The following TMEM169 variants were observed in gnomAD, a reference collection of about 807,000 sequenced individuals.
TMEM169 encodes transmembrane protein 169.
TMEM169 carries 18 observed loss-of-function variants against 27.3 expected under a neutral mutation model. The observed-to-expected ratio is 0.66, with a 90% CI of 0.46 to 0.98. The LOEUF is 0.98. Among genes scored for constraint, TMEM169 ranks in the 50% least tolerant of loss-of-function variants. The probability of loss-of-function intolerance (pLI) is 0.00; values close to 1 mark genes in which losing one functional copy is unlikely to be tolerated. For synonymous variants in TMEM169, 136 were observed against 142.1 expected, an observed-to-expected ratio of 0.96 and a Z score of 0.30; for missense variants, 320 against 368.6, an observed-to-expected ratio of 0.87 and a Z score of 1.08.
chr2:216,086,341 G>T (rs547867335), intron 1 of TMEM169, among the ~76,000 whole-genome samples: 1 of 152,246 alleles, frequency 6.6e-6, no homozygotes, highest in African/African-American at 2.4e-5. Flanking sequence ...GGAATTACAG[G>T]CATGAGCCAC....
rs900259981 is a variant in TMEM169, at chr2:216,100,898, C to T, written c.*356C>T. The T allele has an allele frequency of 2.3e-5, 7 of 306,782 alleles. No homozygotes were observed. The highest frequency in any genetic ancestry group is 1.1e-3 in the Middle Eastern group (1 of 888). The allele number at this position is 306,782 out of a possible 1,614,324, so 19.0% of individuals were successfully genotyped here. On this transcript the variant is annotated 3_prime_UTR_variant, in exon 3 of 3. Transcript: ENST00000437356. ...ATGTGTCAGGGAGAATAAAGAACCT[C>T]GGGGTAACCAAATCCACCAAGATAA...
intron 1 of TMEM169, among the ~76,000 whole-genome samples, chr2:216,083,185 A>G (rs1352863381): frequency 6.6e-6 from 1 of 152,200 alleles, no homozygotes; most frequent in Non-Finnish European, 1.5e-5. Flanking sequence ...CATTTGCTAG[A>G]TAGTTTATCC....
At chr2:216,083,328 A>G (rs935856564) in intron 1 of TMEM169, among the ~76,000 whole-genome samples, 2 of 152,226 alleles carry the variant, frequency 1.3e-5, no homozygotes, top group Non-Finnish European at 1.5e-5. Flanking sequence ...GCAGAAACAT[A>G]TAACTCCTCT....
chr2:216,098,070 G>C (rs572152501), intron 2 of TMEM169, among the ~76,000 whole-genome samples: 4 of 152,110 alleles, frequency 2.6e-5, no homozygotes, highest in Non-Finnish European at 4.4e-5. Context: ...GAGGAGGACA[G>C]GAAGGTAGGC....
intron 1 of TMEM169, among the ~76,000 whole-genome samples, chr2:216,095,570 A>T (rs1199504314): frequency 6.6e-6 from 1 of 152,228 alleles, no homozygotes; most frequent in Non-Finnish European, 1.5e-5. Context: ...GAATAAGGAA[A>T]ATGCAAATTA....
intron 1 of TMEM169, among the ~76,000 whole-genome samples, chr2:216,086,829 A>G (rs944583582): frequency 3.3e-5 from 5 of 152,264 alleles, no homozygotes; most frequent in African/African-American, 1.2e-4. Context: ...TAATCTATAC[A>G]ATGATATGAA....
At chr2:216,086,829 AATG>A (rs2105979502) in intron 1 of TMEM169, among the ~76,000 whole-genome samples, 1 of 152,382 alleles carries the variant, frequency 6.6e-6, no homozygotes, top group Non-Finnish European at 1.5e-5. Flanking sequence ...TAATCTATAC[AATG>A]ATATGAAATG....
At chr2:216,096,734 T>C (rs568455155) in intron 2 of TMEM169, among the ~76,000 whole-genome samples, 2 of 152,346 alleles carry the variant, frequency 1.3e-5, no homozygotes, top group Non-Finnish European at 1.5e-5. Context: ...TTCTAGATGA[T>C]ACAGAAATCT....
chr2:216,089,170 G>C (rs1439232900), intron 1 of TMEM169, among the ~76,000 whole-genome samples: 1 of 152,168 alleles, frequency 6.6e-6, no homozygotes, highest in African/African-American at 2.4e-5. Flanking sequence ...AAGAGAATGA[G>C]AGTAGAAAGT....
chr2:216,094,095 A>C (rs997263311), intron 1 of TMEM169, among the ~76,000 whole-genome samples: 4 of 152,224 alleles, frequency 2.6e-5, no homozygotes, highest in Admixed American at 1.3e-4. Context: ...CTCAGAGAGC[A>C]CTGAAATACA....
At chr2:216,087,047 G>T (rs1209440788) in intron 1 of TMEM169, among the ~76,000 whole-genome samples, 1 of 152,162 alleles carries the variant, frequency 6.6e-6, no homozygotes, top group African/African-American at 2.4e-5. Flanking sequence ...TGGGGGCTGG[G>T]GTAGTCACAG....
chr2:216,096,942 A>G (rs936070290), intron 2 of TMEM169, among the ~76,000 whole-genome samples: 1 of 152,264 alleles, frequency 6.6e-6, no homozygotes, highest in East Asian at 1.9e-4. Flanking sequence ...GAGATATAGT[A>G]TTCCTTCACA....
intron 1 of TMEM169, among the ~76,000 whole-genome samples, chr2:216,095,109 C>CTTTTTTTTTTTTTTTTTTTTTT (rs71047975): frequency 1.6e-4 from 18 of 110,484 alleles, no homozygotes; most frequent in East Asian, 2.9e-4. Flanking sequence ...TTTTTTCTTT[C>CTTTTTTTTTTTTTTTTTTTTTT]TTTTTTTTTT....
At chr2:216,096,324 A>T in intron 2 of TMEM169, 90 bp downstream of exon 2, 1 of 1,403,530 alleles carries the variant, frequency 7.1e-7, no homozygotes, top group South Asian at 1.4e-5. Flanking sequence ...TCACTGTCCT[A>T]TTTCTTCTTG....
At chr2:216,095,612 T>G (rs1357483047) in intron 1 of TMEM169, among the ~76,000 whole-genome samples, 1 of 152,208 alleles carries the variant, frequency 6.6e-6, no homozygotes, top group Non-Finnish European at 1.5e-5. Flanking sequence ...TTCCTTCACA[T>G]GGGTTTTGCC....
rs1263893033 is a variant in TMEM169, at chr2:216,099,239, G to C, written c.272-681G>C. Among the ~76,000 whole-genome samples the C allele has an allele frequency of 6.6e-6, 1 of 151,018 alleles. No individual in the cohort carries two copies. The highest frequency in any genetic ancestry group is 1.5e-5 in the Non-Finnish European group (1 of 67,640). Reference sequence around the variant, plus strand: ...GTATGGTGTTTGGTATATGTGGTGTGGGTATGTGGTGTGTATGTGGTATGT... The same window carrying C: ...GTATGGTGTTTGGTATATGTGGTGTCGGTATGTGGTGTGTATGTGGTATGT... On this transcript the variant is annotated intron_variant, in intron 2 of 2. Transcript: ENST00000437356. This position sits in a 1 kb window ranked among gnomAD's most constrained non-coding sequence, Gnocchi z 5.0.
intron 1 of TMEM169, among the ~76,000 whole-genome samples, chr2:216,085,609 G>T (rs537189212): frequency 1.3e-5 from 2 of 152,112 alleles, no homozygotes; most frequent in Non-Finnish European, 2.9e-5. Flanking sequence ...AGTGGCTCAC[G>T]CCTGTAATCC....
intron 2 of TMEM169, among the ~76,000 whole-genome samples, chr2:216,098,392 G>A (rs2105988303): frequency 6.6e-6 from 1 of 152,294 alleles, no homozygotes; most frequent in East Asian, 1.9e-4. Flanking sequence ...GAGGCAGGGA[G>A]TGAGGGAAAG....
chr2:216,082,040 GCA>G, intron 1 of TMEM169, 61 bp downstream of exon 1: 1 of 266,720 alleles, frequency 3.7e-6, no homozygotes, highest in Non-Finnish European at 6.3e-6. Flanking sequence ...GAAGGGAAAT[GCA>G]AAAAAAAAAA....
Sources: allele counts gnomAD v4.1 joint callset (sites outside exome capture counted in the v4.1 genomes callset), GRCh38; gene constraint gnomAD v4.1.1; non-coding constraint Gnocchi (gnomAD v3.1); transcripts MANE v1.5; gene names NCBI Gene and HGNC (gene_info 2026-07-23, HGNC 2026-07-21).